The following GPATCH8 variants were observed in gnomAD, a reference collection of about 807,000 sequenced individuals.
GPATCH8 encodes G-patch domain containing 8.
In GPATCH8, 18 loss-of-function variants were observed where a neutral mutation model predicts 118.3. The ratio of observed to expected loss-of-function variants is 0.15; its 90% CI spans 0.11 to 0.23. The LOEUF (loss-of-function observed/expected upper bound fraction) is 0.23. GPATCH8 is among the 10% of genes least tolerant of loss of function. The pLI, the probability that GPATCH8 is intolerant of heterozygous loss-of-function variation, is 1.00. For synonymous variants in GPATCH8, 659 were observed against 684.7 expected, an observed-to-expected ratio of 0.96 and a Z score of 0.59; for missense variants, 1,631 against 1,873.8, an observed-to-expected ratio of 0.87 and a Z score of 2.39.
chr17:44,423,030 AGGCCGAGGT>A (rs1448129241), intron 6 of GPATCH8, among the ~76,000 whole-genome samples: 3 of 151,682 alleles, frequency 2.0e-5, no homozygotes, highest in Non-Finnish European at 4.4e-5. Flanking sequence ...GCACTTTGGG[AGGCCGAGGT>A]GGGCGGATCA....
chr17:44,397,435 C>G lies in GPATCH8; in HGVS notation c.*133G>C. 1 of 735,344 alleles carries G rather than the reference C, an allele frequency of 1.4e-6. No homozygotes were observed. Among genetic ancestry groups the G allele is most frequent in the Non-Finnish European group, 2.5e-6 (1 of 407,624 alleles). The allele number at this position is 735,344 out of a possible 1,614,324, so 45.6% of individuals were successfully genotyped here. A position where few individuals can be genotyped will look rare whatever the true frequency, so the allele number is the denominator to read the frequency against. On this transcript the variant is annotated 3_prime_UTR_variant, in exon 8 of 8. Coordinates refer to ENST00000591680, the MANE Select transcript of GPATCH8 (RefSeq NM_001002909.4). The stretch of plus-strand genomic sequence containing the variant: ...TCAAATCTAAACCCACCCCTGCAAG[C>G]CAAAACTCAATTCTTTGGCTGTCAG...
intron 1 of GPATCH8, among the ~76,000 whole-genome samples, chr17:44,482,320 T>C (rs561891983): frequency 2.6e-5 from 4 of 151,958 alleles, no homozygotes; most frequent in Admixed American, 2.6e-4. Flanking sequence ...ATGCCTGTAA[T>C]ACCAGCACTT....
At chr17:44,426,665 T>C (rs1274648457) in intron 5 of GPATCH8, among the ~76,000 whole-genome samples, 1 of 145,260 alleles carries the variant, frequency 6.9e-6, no homozygotes, top group African/African-American at 2.5e-5. Context: ...TCCACTCAAC[T>C]ACACAGGACA....
intron 3 of GPATCH8, among the ~76,000 whole-genome samples, chr17:44,444,889 C>T (rs1188515917): frequency 6.6e-6 from 1 of 152,198 alleles, no homozygotes; most frequent in African/African-American, 2.4e-5. Flanking sequence ...CATTTGTTGA[C>T]TCAGAGAATG....
chr17:44,412,603 T>C (rs912023880), intron 6 of GPATCH8, among the ~76,000 whole-genome samples: 5 of 151,452 alleles, frequency 3.3e-5, no homozygotes, highest in African/African-American at 9.7e-5. Flanking sequence ...AGGCTGGTCT[T>C]GAACTCCTGA....
chr17:44,492,996 A>T (rs925679016), intron 1 of GPATCH8, among the ~76,000 whole-genome samples: 5 of 152,066 alleles, frequency 3.3e-5, no homozygotes, highest in African/African-American at 7.2e-5. Flanking sequence ...AGAAGTCATA[A>T]ATGACCAATT....
At chr17:44,423,665 T>C (rs1288147898) in intron 6 of GPATCH8, among the ~76,000 whole-genome samples, 1 of 152,144 alleles carries the variant, frequency 6.6e-6, no homozygotes, top group African/African-American at 2.4e-5. Context: ...GTGTAACAAT[T>C]TATTTTTCCC....
chr17:44,468,293 C>T (rs1966968492), intron 2 of GPATCH8, among the ~76,000 whole-genome samples: 1 of 151,716 alleles, frequency 6.6e-6, no homozygotes. Flanking sequence ...ATTTACAACA[C>T]CAAGTTGGCA....
chr17:44,488,228 T>TC (rs1416059355), intron 1 of GPATCH8, among the ~76,000 whole-genome samples: 2 of 146,494 alleles, frequency 1.4e-5, no homozygotes, highest in East Asian at 2.0e-4. Context: ...TGACCCTTTT[T>TC]TTTTTTTTTT....
intron 1 of GPATCH8, among the ~76,000 whole-genome samples, chr17:44,485,521 A>G (rs1467765517): frequency 2.6e-5 from 4 of 151,730 alleles, no homozygotes; most frequent in African/African-American, 7.3e-5. Context: ...CCGTCTCCTG[A>G]GCTCAAACGA....
At chr17:44,495,578 C>A (rs944010343) in intron 1 of GPATCH8, among the ~76,000 whole-genome samples, 1 of 152,304 alleles carries the variant, frequency 6.6e-6, no homozygotes, top group African/African-American at 2.4e-5. Context: ...GAAATACTTA[C>A]ACTACAATAC....
intron 1 of GPATCH8, among the ~76,000 whole-genome samples, chr17:44,475,834 T>G (rs1476861384): frequency 6.6e-6 from 1 of 152,128 alleles, no homozygotes; most frequent in Admixed American, 6.6e-5. Context: ...AAGACCAGCC[T>G]GGGCAATACA....
intron 3 of GPATCH8, among the ~76,000 whole-genome samples, chr17:44,453,675 T>C (rs1420424575): frequency 6.6e-6 from 1 of 152,038 alleles, no homozygotes; most frequent in Non-Finnish European, 1.5e-5. Flanking sequence ...AGGGTGCACA[T>C]CACCATGCCA....
In GPATCH8 at chr17:44,396,415, T is replaced by TC; in HGVS notation, c.*1152dup. On this transcript the variant is annotated 3_prime_UTR_variant, in exon 8 of 8. Coordinates refer to ENST00000591680, the MANE Select transcript of GPATCH8 (RefSeq NM_001002909.4). ...TGACTGCTGCCCATTAGCTCAAAAA[T>TC]CCCAATACTGGGGGCACTACATACT... 2.2e-6 allele frequency: 1 copy of TC among 454,384 alleles called. No homozygotes were observed. The highest frequency in any genetic ancestry group is 4.4e-6 in the Non-Finnish European group (1 of 226,784). The allele number at this position is 454,384 out of a possible 1,614,324, so 28.1% of individuals were successfully genotyped here.
intron 6 of GPATCH8, among the ~76,000 whole-genome samples, chr17:44,415,562 AT>A (rs1291314505): frequency 6.6e-6 from 1 of 152,200 alleles, no homozygotes; most frequent in Non-Finnish European, 1.5e-5. Flanking sequence ...CCAAGAAGAT[AT>A]CTGGGGACAA....
chr17:44,401,526 C>T (rs937673055), intron 7 of GPATCH8, 73 bp from the exon 8 acceptor site: 22 of 938,056 alleles, frequency 2.3e-5, no homozygotes, highest in Non-Finnish European at 3.9e-5. Flanking sequence ...TTATAAAATA[C>T]TAATCTCTTA....
At chr17:44,469,427 G>GA (rs377271271) in intron 2 of GPATCH8, among the ~76,000 whole-genome samples, 1 of 152,078 alleles carries the variant, frequency 6.6e-6, no homozygotes, top group African/African-American at 2.4e-5. Flanking sequence ...CAAAACACAG[G>GA]AAAAAATTTA....
intron 2 of GPATCH8, among the ~76,000 whole-genome samples, chr17:44,466,678 AAGGTAAAC>A (rs2051777389): frequency 6.6e-6 from 1 of 152,212 alleles, no homozygotes; most frequent in Admixed American, 6.5e-5. Flanking sequence ...AGAAAACAAA[AAGGTAAAC>A]AGGCCCTTAT....
At chr17:44,448,558 AGAAGAAGAGGAAGAG>A (rs1421007220) in intron 3 of GPATCH8, among the ~76,000 whole-genome samples, 1,991 of 112,094 alleles carry the variant, frequency 0.018, 61 homozygotes, top group African/African-American at 0.059. Flanking sequence ...AGGAAGAGGA[AGAAGAAGAGGAAGAG>A]GAAGAAGAAG....
Sources: gnomAD v4.1 joint callset for allele counts (sites outside exome capture counted in the v4.1 genomes callset) on GRCh38, gnomAD v4.1.1 for gene constraint, MANE v1.5 for transcripts, NCBI Gene and HGNC (gene_info 2026-07-23, HGNC 2026-07-21) for gene names.